IKZF1: variants seen among roughly 807,000 people sequenced by gnomAD.
IKZF1 encodes the protein IKAROS family zinc finger 1.
Under a neutral mutation model 51.7 loss-of-function variants are expected in IKZF1, and 10 were observed. The ratio of observed to expected loss-of-function variants is 0.19; its 90% CI spans 0.12 to 0.33. The LOEUF is 0.33. IKZF1 is among the 10% of genes least tolerant of loss of function. IKZF1 has a pLI of 1.00. For synonymous variants in IKZF1, 280 were observed against 282.3 expected (o/e 0.99, Z 0.08); for missense variants, 484 against 707.5 (o/e 0.68, Z 3.58).
chr7:50,400,977 C>A lies in IKZF1; in HGVS notation c.*350C>A. 1 of 408,590 alleles carries A rather than the reference C, an allele frequency of 2.4e-6. No individual in the cohort carries two copies. The highest frequency in any genetic ancestry group is 4.6e-5 in the East Asian group (1 of 21,636). The allele number at this position is 408,590 out of a possible 1,614,324, so 25.3% of individuals were successfully genotyped here. Reference sequence around the variant, plus strand: ...AGAGAGAAATAGATAAAACACGCCACAGCCTGGGAAGGAGCGTGCTCTACC... The same window carrying A: ...AGAGAGAAATAGATAAAACACGCCAAAGCCTGGGAAGGAGCGTGCTCTACC... On this transcript the variant is annotated 3_prime_UTR_variant, in exon 8 of 8. Transcript: ENST00000331340. The surrounding 1 kb of genome is among the most constrained non-coding windows in gnomAD (Gnocchi z 5.4).
intron 3 of IKZF1, among the ~76,000 whole-genome samples, chr7:50,343,279 T>G (rs1478492901): frequency 6.9e-6 from 1 of 145,132 alleles, no homozygotes; most frequent in African/African-American, 2.5e-5. Flanking sequence ...TTCCTTCCTC[T>G]CTTCTTTTCT....
At chr7:50,368,063 C>A in intron 3 of IKZF1, 1 of 703,122 alleles carries the variant, frequency 1.4e-6, no homozygotes, top group South Asian at 1.5e-5. Flanking sequence ...AAATCTTTCT[C>A]TCGTAAGTAT....
At position 50,327,762 on chromosome 7, in the gene IKZF1, G is replaced by C; in HGVS notation, c.160+5G>C. 6.2e-7 allele frequency: 1 copy of C among 1,609,032 alleles called. No homozygotes were observed. Among genetic ancestry groups the C allele is most frequent in the Non-Finnish European group, 8.5e-7 (1 of 1,177,614 alleles). On this transcript the variant is annotated splice_donor_5th_base_variant and intron_variant, in intron 3 of 7. Coordinates refer to ENST00000331340, the MANE Select transcript of IKZF1 (RefSeq NM_006060.6). ...CCAAGAGTGACAGAGTCGTGGGTAA[G>C]TGGGTCACCAGCGGCCTCTGTGCCT...
chr7:50,341,324 A>G (rs888662603), intron 3 of IKZF1, among the ~76,000 whole-genome samples: 138 of 151,934 alleles, frequency 9.1e-4, no homozygotes, highest in African/African-American at 3.1e-3. Context: ...TGCATTTTTA[A>G]TAGAGATGGG....
intron 1 of IKZF1, 24 bp from the exon 2 acceptor site, chr7:50,319,024 A>G (rs1408831868): frequency 6.4e-7 from 1 of 1,553,536 alleles, no homozygotes; most frequent in Non-Finnish European, 8.9e-7. Context: ...GCTTTAAACT[A>G]AAATCCCTTC....
At chr7:50,327,971 C>T (rs1795502396) in intron 3 of IKZF1, 2 of 540,332 alleles carry the variant, frequency 3.7e-6, no homozygotes, top group Non-Finnish European at 6.4e-6. Context: ...GAGCCACACA[C>T]CCCGCAAAAT....
At chr7:50,324,362 G>A (rs1453648864) in intron 2 of IKZF1, among the ~76,000 whole-genome samples, 1 of 152,182 alleles carries the variant, frequency 6.6e-6, no homozygotes, top group Non-Finnish European at 1.5e-5. Context: ...GGCAAGGCGA[G>A]CTTGAATTAA....
chr7:50,304,247 G>A (rs1041532617), upstream of IKZF1: 2 of 150,400 alleles, frequency 1.3e-5, no homozygotes, highest in Non-Finnish European at 3.0e-5. Flanking sequence ...CGAGCCGGGG[G>A]ACTCGGCGAC....
intron 3 of IKZF1, chr7:50,367,792 G>A (rs758739332): frequency 3.7e-6 from 2 of 542,356 alleles, no homozygotes; most frequent in Non-Finnish European, 6.6e-6. Flanking sequence ...ATATAATGCT[G>A]TGAGTTGACA....
intron 3 of IKZF1, among the ~76,000 whole-genome samples, chr7:50,357,234 T>TCA (rs1470723723): frequency 6.6e-6 from 1 of 151,970 alleles, no homozygotes; most frequent in Non-Finnish European, 1.5e-5. Flanking sequence ...CAGGGACCTC[T>TCA]CACAGTTCCT....
At chr7:50,369,029 G>T in intron 3 of IKZF1, 1 of 225,028 alleles carries the variant, frequency 4.4e-6, no homozygotes, top group Non-Finnish European at 8.9e-6. Context: ...TACTTTTCCA[G>T]CCTATAGAAG....
intron 3 of IKZF1, among the ~76,000 whole-genome samples, chr7:50,336,227 G>A (rs1325223862): frequency 6.6e-6 from 1 of 152,184 alleles, no homozygotes; most frequent in Non-Finnish European, 1.5e-5. Flanking sequence ...AAGCACTGGG[G>A]GAGGAGGAGC....
At chr7:50,345,708 A>T (rs752636151) in intron 3 of IKZF1, among the ~76,000 whole-genome samples, 1 of 152,228 alleles carries the variant, frequency 6.6e-6, no homozygotes, top group Admixed American at 6.5e-5. Context: ...AAGGTAAAAG[A>T]TAGAAATGAA....
rs1394604163 is a variant in IKZF1 at position 50,404,458 on chromosome 7, G to A, written c.*3831G>A. On this transcript the variant is annotated 3_prime_UTR_variant, in exon 8 of 8. Transcript: ENST00000331340. Reference sequence around the variant, plus strand: ...TACTCTGTCTGCCCTATCCCGTGAAGTCCACACTGGCGTAAGAGAAGGCCC... The same window carrying A: ...TACTCTGTCTGCCCTATCCCGTGAAATCCACACTGGCGTAAGAGAAGGCCC... 4.4e-6 allele frequency: 1 copy of A among 229,706 alleles called. No individual in the cohort carries two copies. Among genetic ancestry groups the A allele is most frequent in the Admixed American group, 5.7e-5 (1 of 17,662 alleles). The allele number at this position is 229,706 out of a possible 1,614,324, so 14.2% of individuals were successfully genotyped here. A position where few individuals can be genotyped will look rare whatever the true frequency, so the allele number is the denominator to read the frequency against.
chr7:50,344,902 G>A (rs962216408), intron 3 of IKZF1, among the ~76,000 whole-genome samples: 1 of 151,746 alleles, frequency 6.6e-6, no homozygotes, highest in Non-Finnish European at 1.5e-5. Context: ...CACAGATGAG[G>A]GGAAAAAATA....
chr7:50,360,369 AAGGCCAC>A (rs1804843843), intron 3 of IKZF1, among the ~76,000 whole-genome samples: 1 of 152,228 alleles, frequency 6.6e-6, no homozygotes, highest in East Asian at 1.9e-4. Context: ...TAGGTGGACA[AAGGCCAC>A]AGAAATGGAT....
intron 3 of IKZF1, among the ~76,000 whole-genome samples, chr7:50,350,318 T>A (rs1289632283): frequency 1.3e-5 from 2 of 152,182 alleles, no homozygotes; most frequent in Admixed American, 6.5e-5. Flanking sequence ...TGACTCTGTT[T>A]CTCAAGAAGC....
chr7:50,368,313 A>C (rs1243655737), intron 3 of IKZF1: 1 of 703,386 alleles, frequency 1.4e-6, no homozygotes, highest in Non-Finnish European at 2.6e-6. Context: ...TCACAGTAGC[A>C]CTGATGGGAT....
chr7:50,312,107 G>A (rs1584383619), intron 1 of IKZF1, among the ~76,000 whole-genome samples: 1 of 152,074 alleles, frequency 6.6e-6, no homozygotes, highest in African/African-American at 2.4e-5. Context: ...CTCTGAAATC[G>A]GTAAGAGGGC....
Sources: allele counts gnomAD v4.1 joint callset (sites outside exome capture counted in the v4.1 genomes callset), GRCh38; gene constraint gnomAD v4.1.1; non-coding constraint Gnocchi (gnomAD v3.1); transcripts MANE v1.5; gene names NCBI Gene and HGNC (gene_info 2026-07-23, HGNC 2026-07-21).